LCLAT1: variants seen among roughly 807,000 people sequenced by gnomAD.
LCLAT1 encodes 1-AGP acyltransferase 8.
In LCLAT1, 11 loss-of-function variants were observed where a neutral mutation model predicts 30.7. The observed-to-expected ratio is 0.36, with a 90% CI of 0.23 to 0.59. LCLAT1 has a LOEUF of 0.59. Among genes scored for constraint, LCLAT1 ranks in the 20% least tolerant of loss-of-function variants. The probability of loss-of-function intolerance (pLI) is 0.77; values close to 1 mark genes in which losing one functional copy is unlikely to be tolerated. For synonymous variants in LCLAT1, 155 were observed against 151.3 expected, an observed-to-expected ratio of 1.02 and a Z score of -0.18; for missense variants, 402 against 458.6, an observed-to-expected ratio of 0.88 and a Z score of 1.13.
At chr2:30,587,686 T>G (rs1666506731) in intron 5 of LCLAT1, among the ~76,000 whole-genome samples, 2 of 152,178 alleles carry the variant, frequency 1.3e-5, no homozygotes, top group African/African-American at 4.8e-5. Flanking sequence ...ATTGTAAAAG[T>G]TAAGCAAAAC....
chr2:30,607,521 A>C (rs901281620), intron 5 of LCLAT1: 1 of 152,142 alleles, frequency 6.6e-6, no homozygotes, highest in African/African-American at 2.4e-5. Context: ...GTTTGTGATG[A>C]TGCTGATGTA....
intron 5 of LCLAT1, among the ~76,000 whole-genome samples, chr2:30,576,404 A>G (rs1342198815): frequency 1.3e-5 from 2 of 152,118 alleles, no homozygotes; most frequent in South Asian, 2.1e-4. Context: ...TGTCAATACT[A>G]TTTACTCATT....
Position 30,642,597 on chromosome 2 carries a change from C to T in LCLAT1, c.*1978C>T, listed in dbSNP as rs1010874031. 3.9e-5 allele frequency: 6 copies of T among 151,940 alleles called. No homozygotes were observed. Among genetic ancestry groups the T allele is most frequent in the South Asian group, 2.1e-4 (1 of 4,816 alleles). 9.4% of individuals were successfully genotyped at this position (151,940 alleles called of 1,614,324 possible). A position where few individuals can be genotyped will look rare whatever the true frequency, so the allele number is the denominator to read the frequency against. On this transcript the variant is annotated 3_prime_UTR_variant, in exon 6 of 6. Coordinates refer to ENST00000379509, the MANE Select transcript of LCLAT1 (RefSeq NM_001002257.3). ...ACCCCAAAGTTGTTGGTAATGGAGCCGGTCTGCCCTTCCTACAAACTCAAG... is the reference window on the plus strand; with the variant it reads ...ACCCCAAAGTTGTTGGTAATGGAGCTGGTCTGCCCTTCCTACAAACTCAAG...
chr2:30,621,191 T>C (rs1468759396), intron 5 of LCLAT1, among the ~76,000 whole-genome samples: 2 of 152,156 alleles, frequency 1.3e-5, no homozygotes, highest in Non-Finnish European at 2.9e-5. Context: ...TAACTACTCA[T>C]CCAGATGTTG....
chr2:30,604,473 AATGAGT>A (rs1428468173), intron 5 of LCLAT1, among the ~76,000 whole-genome samples: 7 of 152,124 alleles, frequency 4.6e-5, no homozygotes, highest in Admixed American at 3.9e-4. Context: ...CAAATAAATG[AATGAGT>A]ATGTGTTCCA....
At chr2:30,537,527 C>CACACACACAT (rs1453936784) in intron 3 of LCLAT1, among the ~76,000 whole-genome samples, 1 of 150,912 alleles carries the variant, frequency 6.6e-6, no homozygotes, top group Admixed American at 6.6e-5. Flanking sequence ...TAAATACACA[C>CACACACACAT]ACACACACAC....
chr2:30,505,185 A>G (rs1206879558), intron 1 of LCLAT1, among the ~76,000 whole-genome samples: 1 of 152,186 alleles, frequency 6.6e-6, no homozygotes, highest in African/African-American at 2.4e-5. Flanking sequence ...CTCTAGGGTA[A>G]ATACTAAGAG....
chr2:30,523,911 G>C lies in LCLAT1; in HGVS notation c.-4-1676G>C, dbSNP rs1447799743. Among the ~76,000 whole-genome samples the C allele has an allele frequency of 2.6e-5, 4 of 152,260 alleles. No individual in the cohort carries two copies. The South Asian group carries it at 6.2e-4, about 24-fold the overall frequency. ...AAACTTAGTAGTCAGTCTTGATTGT[G>C]TGTTTTAAGGGATTTGACCTGTTTT... On this transcript the variant is annotated intron_variant, in intron 1 of 5. Coordinates refer to ENST00000379509, the MANE Select transcript of LCLAT1 (RefSeq NM_001002257.3).
At chr2:30,572,722 C>A (rs1263307127) in intron 5 of LCLAT1, among the ~76,000 whole-genome samples, 1 of 147,830 alleles carries the variant, frequency 6.8e-6, no homozygotes, top group East Asian at 2.0e-4. Context: ...TTTTTTTTTT[C>A]TATTTCCAAG....
intron 5 of LCLAT1, among the ~76,000 whole-genome samples, chr2:30,628,536 T>C (rs1043839256): frequency 6.6e-6 from 1 of 152,102 alleles, no homozygotes; most frequent in African/African-American, 2.4e-5. Flanking sequence ...ATTGAGTCAC[T>C]AAGGAAAACA....
chr2:30,568,496 T>A (rs992278778), intron 5 of LCLAT1, among the ~76,000 whole-genome samples: 1 of 136,222 alleles, frequency 7.3e-6, no homozygotes, highest in Admixed American at 8.7e-5. Flanking sequence ...GGCAAAAATG[T>A]CTTTCTTTCT....
chr2:30,527,104 A>G (rs892151172), intron 2 of LCLAT1, among the ~76,000 whole-genome samples: 2 of 152,212 alleles, frequency 1.3e-5, no homozygotes, highest in African/African-American at 4.8e-5. Context: ...AATATTAATC[A>G]TCACAAGTAG....
At chr2:30,631,765 A>C (rs1268636730) in intron 5 of LCLAT1, among the ~76,000 whole-genome samples, 2 of 152,238 alleles carry the variant, frequency 1.3e-5, no homozygotes, top group African/African-American at 4.8e-5. Context: ...AGAAATTATC[A>C]GTAAAATATA....
chr2:30,512,162 A>T (rs922183209), intron 1 of LCLAT1, among the ~76,000 whole-genome samples: 1 of 152,052 alleles, frequency 6.6e-6, no homozygotes, highest in East Asian at 1.9e-4. Context: ...AACTCTTCAG[A>T]CCTTTTTAGT....
intron 3 of LCLAT1, among the ~76,000 whole-genome samples, chr2:30,557,261 A>C (rs1664964036): frequency 6.7e-6 from 1 of 149,694 alleles, no homozygotes; most frequent in African/African-American, 2.5e-5. Context: ...AACACATTGT[A>C]GGACAGTGTA....
At chr2:30,477,823 A>C (rs986747109) in intron 1 of LCLAT1, among the ~76,000 whole-genome samples, 2 of 152,202 alleles carry the variant, frequency 1.3e-5, no homozygotes, top group African/African-American at 4.8e-5. Flanking sequence ...TAATGAAAGT[A>C]GGAGGTTAGA....
chr2:30,522,914 C>T (rs1028861104), intron 1 of LCLAT1, among the ~76,000 whole-genome samples: 3 of 152,158 alleles, frequency 2.0e-5, no homozygotes, highest in Admixed American at 6.5e-5. Flanking sequence ...CTTCTTAACT[C>T]TCCTGAGCCT....
intron 3 of LCLAT1, among the ~76,000 whole-genome samples, chr2:30,541,980 ATC>A (rs760209830): frequency 6.6e-6 from 1 of 152,072 alleles, no homozygotes; most frequent in Non-Finnish European, 1.5e-5. Context: ...AGGGATTTTG[ATC>A]CTCTTCTCCT....
chr2:30,568,011 T>G (rs578103280), intron 4 of LCLAT1, 49 bp from the exon 5 acceptor site: 2 of 981,180 alleles, frequency 2.0e-6, no homozygotes, highest in Non-Finnish European at 3.1e-6. Context: ...CCTTACCTTG[T>G]TTATTTCCCT....
Sources: allele counts gnomAD v4.1 joint callset (sites outside exome capture counted in the v4.1 genomes callset), GRCh38; gene constraint gnomAD v4.1.1; transcripts MANE v1.5; gene names NCBI Gene and HGNC (gene_info 2026-07-23, HGNC 2026-07-21).